LATS1: variants seen among roughly 807,000 people sequenced by gnomAD.
The protein encoded by LATS1 is large tumor suppressor kinase 1, also known as serine/threonine-protein kinase LATS1.
A neutral mutation model predicts 106.6 loss-of-function variants in LATS1; 25 were observed. The ratio of observed to expected loss-of-function variants is 0.23; its 90% CI spans 0.17 to 0.33. The LOEUF (loss-of-function observed/expected upper bound fraction) is 0.33, where lower values mean the gene tolerates loss of function less well. LATS1 is among the 10% of genes least tolerant of loss of function. The pLI, the probability that LATS1 is intolerant of heterozygous loss-of-function variation, is 1.00. For synonymous variants in LATS1, 465 were observed against 455.6 expected (o/e 1.02, Z -0.26); for missense variants, 1,040 against 1,382.6 (o/e 0.75, Z 3.93).
chr6:149,707,458 T>C (rs1783849016), intron 1 of LATS1, among the ~76,000 whole-genome samples: 1 of 152,312 alleles, frequency 6.6e-6, no homozygotes, highest in African/African-American at 2.4e-5. Flanking sequence ...AGAGAATGTA[T>C]TGTTGCCCAA....
chr6:149,658,458 T>C lies in LATS1; in HGVS notation c.*3271A>G, dbSNP rs1780778345. 6.6e-6 allele frequency: 1 copy of C among 152,190 alleles called. No individual in the cohort carries two copies. Among genetic ancestry groups the C allele is most frequent in the Non-Finnish European group, 1.5e-5 (1 of 68,032 alleles). 9.4% of individuals were successfully genotyped at this position (152,190 alleles called of 1,614,324 possible). ...GATATATTAAGGCGCTTTACAAATATACCAATATTTTGACCCAAATTACTT... is the reference window on the plus strand; with the variant it reads ...GATATATTAAGGCGCTTTACAAATACACCAATATTTTGACCCAAATTACTT... On this transcript the variant is annotated 3_prime_UTR_variant, in exon 8 of 8. Transcript: ENST00000543571.
chr6:149,693,761 G>A (rs1237293751), intron 3 of LATS1, among the ~76,000 whole-genome samples: 23 of 151,832 alleles, frequency 1.5e-4, no homozygotes. Flanking sequence ...TACAAACATA[G>A]GCATTCTCAT....
At chr6:149,688,133 C>T (rs2114855715) in intron 3 of LATS1, among the ~76,000 whole-genome samples, 1 of 151,110 alleles carries the variant, frequency 6.6e-6, no homozygotes, top group South Asian at 2.1e-4. Context: ...TCTTGGCCTC[C>T]CAAAGTGCTG....
chr6:149,676,424 T>G (rs1781726787), intron 6 of LATS1, 58 bp from the exon 7 acceptor site: 9 of 1,391,858 alleles, frequency 6.5e-6, no homozygotes, highest in African/African-American at 1.5e-5. Context: ...CAATAAAAAT[T>G]AACATTAAAT....
At chr6:149,684,705 G>C in intron 3 of LATS1, 113 bp from the exon 4 acceptor site, 5 of 716,018 alleles carry the variant, frequency 7.0e-6, no homozygotes, top group Non-Finnish European at 1.1e-5. Context: ...TCTCTTTCAA[G>C]AATTATAAAA....
chr6:149,712,782 C>A (rs929884949), intron 1 of LATS1, among the ~76,000 whole-genome samples: 7 of 152,008 alleles, frequency 4.6e-5, no homozygotes, highest in Non-Finnish European at 1.0e-4. Context: ...TCTCTTGAGC[C>A]CAGGTGTTTG....
chr6:149,717,049 G>C (rs886144616), intron 1 of LATS1, among the ~76,000 whole-genome samples: 3 of 152,078 alleles, frequency 2.0e-5, no homozygotes, highest in African/African-American at 7.2e-5. Context: ...TTCCAAAACT[G>C]GAGTTATACA....
At chr6:149,669,672 A>G (rs989116198) in intron 7 of LATS1, among the ~76,000 whole-genome samples, 3 of 151,744 alleles carry the variant, frequency 2.0e-5, no homozygotes, top group Non-Finnish European at 4.4e-5. Context: ...GACACGGGAG[A>G]ATCTTGAACC....
At chr6:149,682,644 G>A (rs560203066) in intron 4 of LATS1, among the ~76,000 whole-genome samples, 22 of 152,136 alleles carry the variant, frequency 1.4e-4, no homozygotes, top group African/African-American at 3.6e-4. Context: ...TCGATCTCCT[G>A]ACCTCATGAT....
intron 2 of LATS1, among the ~76,000 whole-genome samples, chr6:149,697,523 TATTA>T (rs1783170378): frequency 6.6e-6 from 1 of 152,210 alleles, no homozygotes; most frequent in Admixed American, 6.5e-5. Flanking sequence ...CTAAAAGCAT[TATTA>T]TTTAGATTTT....
chr6:149,670,507 C>T (rs1048570675), intron 7 of LATS1, among the ~76,000 whole-genome samples: 3 of 152,006 alleles, frequency 2.0e-5, no homozygotes, highest in Admixed American at 2.0e-4. Flanking sequence ...GAACCCACTA[C>T]ATCTACCATT....
At position 149,701,968 on chromosome 6, in the gene LATS1, G is replaced by T; in HGVS notation, c.159C>A (p.Asn53Lys). The part of the protein sequence containing the change: ...KPSDAAKAEH[N>K]MSKMSTEDPR... ...GATCTTCGGTTGACATTTTACTCAT[G>T]TTATGCTCAGCCTTAGCAGCATCAG... The change falls in exon 2 of 8, where the codon AAC becomes AAA. Residue 53 changes from asparagine (N) to lysine (K), a missense_variant. Coordinates refer to ENST00000543571, the MANE Select transcript of LATS1 (RefSeq NM_004690.4). 6.2e-7 allele frequency: 1 copy of T among 1,614,178 alleles called. No homozygotes were observed. The highest frequency in any genetic ancestry group is 8.5e-7 in the Non-Finnish European group (1 of 1,180,026).
intron 1 of LATS1, among the ~76,000 whole-genome samples, chr6:149,709,279 ACT>A (rs1783958677): frequency 6.6e-6 from 1 of 152,012 alleles, no homozygotes; most frequent in South Asian, 2.1e-4. Context: ...GACAAAACAG[ACT>A]CTCTGTAGCA....
At chr6:149,711,846 T>C (rs950045184) in intron 1 of LATS1, among the ~76,000 whole-genome samples, 1 of 152,120 alleles carries the variant, frequency 6.6e-6, no homozygotes, top group African/African-American at 2.4e-5. Context: ...TAGATCAGCA[T>C]TTGCTGCTTA....
At position 149,692,903 on chromosome 6, in the gene LATS1, A is replaced by C. The variant is rs1582895555; in HGVS notation, c.496+2171T>G. Among the ~76,000 whole-genome samples the C allele has an allele frequency of 2.0e-5, 3 of 151,566 alleles. No individual in the cohort carries two copies. The South Asian group carries it at 6.3e-4, about 32-fold the overall frequency. ...TGGTCTGGCTGGTCTCTAACTCCCG[A>C]CCTCAGGTGATCTGCCCGCCTTGGC... On this transcript the variant is annotated intron_variant, in intron 3 of 7. Coordinates refer to ENST00000543571, the MANE Select transcript of LATS1 (RefSeq NM_004690.4).
intron 1 of LATS1, among the ~76,000 whole-genome samples, chr6:149,708,740 T>C (rs779260051): frequency 2.0e-5 from 3 of 152,180 alleles, no homozygotes; most frequent in Non-Finnish European, 4.4e-5. Context: ...AGCCACTGGA[T>C]GGAGAACCCT....
chr6:149,666,768 C>T (rs1401517414), intron 7 of LATS1, among the ~76,000 whole-genome samples: 1 of 151,686 alleles, frequency 6.6e-6, no homozygotes, highest in African/African-American at 2.4e-5. Context: ...CGGTGAAACC[C>T]CACCTCTACT....
chr6:149,660,095 CTG>C lies in LATS1; in HGVS notation c.*1632_*1633del. On this transcript the variant is annotated 3_prime_UTR_variant, in exon 8 of 8. Transcript: ENST00000543571. ...GGCACAGAGGTCCATAACCTACAGCCTGTGATAGGTTTCAATATGTCCAAAAT... is the reference window on the plus strand; with the variant it reads ...GGCACAGAGGTCCATAACCTACAGCCTGATAGGTTTCAATATGTCCAAAAT... The C allele has an allele frequency of 4.3e-6, 1 of 232,452 alleles. No homozygotes were observed. Among genetic ancestry groups the C allele is most frequent in the Non-Finnish European group, 8.5e-6 (1 of 117,662 alleles). The allele number at this position is 232,452 out of a possible 1,614,324, so 14.4% of individuals were successfully genotyped here.
intron 1 of LATS1, among the ~76,000 whole-genome samples, chr6:149,708,414 CAAA>C (rs58138010): frequency 1.6e-4 from 17 of 104,220 alleles, no homozygotes; most frequent in South Asian, 3.2e-4. Flanking sequence ...GACTGGATCT[CAAA>C]AAAAAAAAAA....
Sources: gnomAD v4.1 joint callset for allele counts (sites outside exome capture counted in the v4.1 genomes callset) on GRCh38, gnomAD v4.1.1 for gene constraint, MANE v1.5 for transcripts, NCBI Gene and HGNC (gene_info 2026-07-23, HGNC 2026-07-21) for gene names.